The following FGF14 variants were observed in gnomAD, a reference collection of about 807,000 sequenced individuals.
The protein encoded by FGF14 is fibroblast growth factor 14, also known as fibroblast growth factor homologous factor 4.
A neutral mutation model predicts 25.5 loss-of-function variants in FGF14; 5 were observed. The observed-to-expected ratio is 0.20, with a 90% CI of 0.10 to 0.41. The LOEUF (loss-of-function observed/expected upper bound fraction) is 0.41, where lower values mean the gene tolerates loss of function less well. Among genes scored for constraint, FGF14 ranks in the 10% least tolerant of loss-of-function variants. The pLI is 1.00. For missense variants in FGF14, 222 were observed against 320.1 expected, an observed-to-expected ratio of 0.69 and a Z score of 2.34; for synonymous variants, 138 against 118.3, an observed-to-expected ratio of 1.17 and a Z score of -1.08.
In FGF14 at chr13:102,353,383, A is replaced by G. The variant is rs150219146; in HGVS notation, c.208+48088T>C. On this transcript the variant is annotated intron_variant, in intron 1 of 4. Coordinates refer to the FGF14 transcript ENST00000376131. ...GATCTCATCAACCCCTGTAGCTTCAATACCAGTTCAATGTGATCACCCCAA... is the reference window on the plus strand; with the variant it reads ...GATCTCATCAACCCCTGTAGCTTCAGTACCAGTTCAATGTGATCACCCCAA... Among the ~76,000 whole-genome samples the G allele has an allele frequency of 2.0e-5, 3 of 152,240 alleles. No individual in the cohort carries two copies. In the East Asian group the frequency reaches 5.8e-4, roughly 29 times the overall value.
At chr13:101,856,588 T>C (rs954389817) in intron 3 of FGF14, among the ~76,000 whole-genome samples, 1 of 151,982 alleles carries the variant, frequency 6.6e-6, no homozygotes, top group Non-Finnish European at 1.5e-5. Flanking sequence ...TATTTTACCA[T>C]TTAACACAAC....
chr13:101,919,313 G>A (rs890813050), upstream of FGF14, among the ~76,000 whole-genome samples: 3 of 151,366 alleles, frequency 2.0e-5, no homozygotes, highest in Non-Finnish European at 4.4e-5. Context: ...AAGGCTTCTT[G>A]CAGTGAGTGT....
In FGF14 at chr13:101,794,966, T is replaced by C. The variant is rs146949011; in HGVS notation, c.409-68156A>G. 3.7e-3 allele frequency among the ~76,000 whole-genome samples: 565 copies of C among 152,296 alleles called. 3 individuals carry two copies. The highest frequency in any genetic ancestry group is 0.012 in the African/African-American group (516 of 41,582). On this transcript the variant is annotated intron_variant, in intron 3 of 4. Coordinates refer to ENST00000376143, the MANE Select transcript of FGF14 (RefSeq NM_004115.4). ...TATATTTCTATTACAAGTTTATTTT[T>C]AATTTCAAAAATGTACTGCATAAAT... is the stretch of plus-strand genomic sequence containing the variant.
chr13:102,329,754 C>T (rs1427435401), intron 1 of FGF14, among the ~76,000 whole-genome samples: 3 of 152,134 alleles, frequency 2.0e-5, no homozygotes, highest in Admixed American at 1.3e-4. Context: ...TCAACACCTC[C>T]TGTTTTCCAC....
chr13:102,035,220 G>A (rs914171215), intron 1 of FGF14, among the ~76,000 whole-genome samples: 3 of 152,126 alleles, frequency 2.0e-5, no homozygotes, highest in Admixed American at 6.6e-5. Context: ...GGATATGCAA[G>A]GGTGAAATCT....
intron 1 of FGF14, among the ~76,000 whole-genome samples, chr13:102,384,748 C>A (rs2139194055): frequency 6.6e-6 from 1 of 152,264 alleles, no homozygotes; most frequent in Non-Finnish European, 1.5e-5. Flanking sequence ...TTTTATTAAA[C>A]CATCGCTTCT....
At chr13:102,117,621 G>C (rs2045534256) in intron 1 of FGF14, among the ~76,000 whole-genome samples, 1 of 152,146 alleles carries the variant, frequency 6.6e-6, no homozygotes, top group South Asian at 2.1e-4. Flanking sequence ...TTCATCCCGA[G>C]GGTACTGGTA....
rs117369947 is a variant in FGF14 at position 102,100,767 on chromosome 13, A to G, written c.209-225471T>C. On this transcript the variant is annotated intron_variant, in intron 1 of 4. Transcript: ENST00000376131. ...TGCAACAATTTGTTAAGAACAGTACATTATTCATATCTTAAAGATAAATAA... is the reference window on the plus strand; with the variant it reads ...TGCAACAATTTGTTAAGAACAGTACGTTATTCATATCTTAAAGATAAATAA... Among the ~76,000 whole-genome samples, 752 of 152,332 alleles carry G rather than the reference A, an allele frequency of 4.9e-3. 3 individuals are homozygous for G. Among genetic ancestry groups the G allele is most frequent in the Non-Finnish European group, 8.4e-3 (569 of 68,030 alleles).
intron 1 of FGF14, among the ~76,000 whole-genome samples, chr13:102,278,715 C>G (rs2053674544): frequency 6.6e-6 from 1 of 151,854 alleles, no homozygotes; most frequent in Non-Finnish European, 1.5e-5. Context: ...TCTGAAAAAT[C>G]CCTCTCTGCT....
intron 1 of FGF14, among the ~76,000 whole-genome samples, chr13:102,234,854 T>G (rs2051258636): frequency 6.6e-6 from 1 of 152,232 alleles, no homozygotes; most frequent in African/African-American, 2.4e-5. Context: ...ACTTTCTGTG[T>G]ATGGAGAAGC....
chr13:101,770,455 A>G (rs548402078), intron 3 of FGF14, among the ~76,000 whole-genome samples: 28 of 152,280 alleles, frequency 1.8e-4, no homozygotes, highest in African/African-American at 6.5e-4. Context: ...ATTTCATTTA[A>G]TGATTAATAA....
intron 1 of FGF14, among the ~76,000 whole-genome samples, chr13:102,323,987 G>GTA (rs1437850169): frequency 6.6e-6 from 1 of 151,512 alleles, no homozygotes; most frequent in Non-Finnish European, 1.5e-5. Context: ...GTGTGTGTGT[G>GTA]TGTGTGTGTG....
chr13:101,857,366 C>T (rs2044179282), intron 3 of FGF14, among the ~76,000 whole-genome samples: 1 of 151,972 alleles, frequency 6.6e-6, no homozygotes, highest in Non-Finnish European at 1.5e-5. Flanking sequence ...AATTATGGTG[C>T]TTTTGTATGG....
rs150700746 is a variant in FGF14 at position 101,999,083 on chromosome 13, G to T, written c.209-123787C>A. Among the ~76,000 whole-genome samples the T allele has an allele frequency of 7.5e-3, 1,144 of 152,260 alleles. 16 individuals are homozygous for T. The highest frequency in any genetic ancestry group is 0.026 in the African/African-American group (1,072 of 41,520). ...CAAATGCTAAGACTAGGGAGAGGCA[G>T]ACTGGGGCATAATTTATTTAGAAAG... On this transcript the variant is annotated intron_variant, in intron 1 of 4. Coordinates refer to the FGF14 transcript ENST00000376131.
At chr13:102,031,025 C>A (rs2139934104) in intron 1 of FGF14, among the ~76,000 whole-genome samples, 1 of 152,076 alleles carries the variant, frequency 6.6e-6, no homozygotes, top group South Asian at 2.1e-4. Context: ...TAACATAAGT[C>A]AAAATAAAAT....
At chr13:102,326,401 G>GACC (rs1423543021) in intron 1 of FGF14, among the ~76,000 whole-genome samples, 7 of 152,000 alleles carry the variant, frequency 4.6e-5, no homozygotes, top group African/African-American at 1.7e-4. Flanking sequence ...GAAGAATACT[G>GACC]ACCTCTTGCT....
chr13:102,227,093 A>G (rs2050858585), intron 1 of FGF14, among the ~76,000 whole-genome samples: 1 of 152,058 alleles, frequency 6.6e-6, no homozygotes, highest in Non-Finnish European at 1.5e-5. Context: ...TTTTCTTCCC[A>G]GTTTAATATT....
intron 1 of FGF14, among the ~76,000 whole-genome samples, chr13:102,135,058 C>A (rs527471488): frequency 0.017 from 2,298 of 138,240 alleles, 67 homozygotes; most frequent in African/African-American, 0.064. Context: ...CACACACACA[C>A]ACAAATCCGC....
intron 1 of FGF14, among the ~76,000 whole-genome samples, chr13:102,059,574 G>A (rs2042584058): frequency 6.6e-6 from 1 of 152,178 alleles, no homozygotes; most frequent in South Asian, 2.1e-4. Context: ...ATTAAAGCAG[G>A]GCACAGTGAC....
Sources: gnomAD v4.1 joint callset for allele counts (sites outside exome capture counted in the v4.1 genomes callset) on GRCh38, gnomAD v4.1.1 for gene constraint, MANE v1.5 for transcripts, NCBI Gene and HGNC (gene_info 2026-07-23, HGNC 2026-07-21) for gene names.